Variants in MAGI3 observed in about 807,000 individuals in gnomAD.
The protein encoded by MAGI3 is membrane associated guanylate kinase, WW and PDZ domain containing 3.
MAGI3 carries 43 observed loss-of-function variants against 121.8 expected under a neutral mutation model. The observed-to-expected ratio is 0.35, with a 90% CI of 0.28 to 0.46. The LOEUF (loss-of-function observed/expected upper bound fraction) is 0.46. Among genes scored for constraint, MAGI3 ranks in the 20% least tolerant of loss-of-function variants. The probability of loss-of-function intolerance (pLI) is 1.00; values close to 1 mark genes in which losing one functional copy is unlikely to be tolerated. For missense variants in MAGI3, 1,547 were observed against 1,797.3 expected, an observed-to-expected ratio of 0.86 and a Z score of 2.52; for synonymous variants, 553 against 639.3, an observed-to-expected ratio of 0.86 and a Z score of 2.04.
chr1:113,470,037 A>G (rs1396255468), intron 1 of MAGI3, among the ~76,000 whole-genome samples: 1 of 152,172 alleles, frequency 6.6e-6, no homozygotes, highest in Non-Finnish European at 1.5e-5. Flanking sequence ...ACCTTTTGCT[A>G]ATTCACACAC....
rs565872326 is a variant in MAGI3 at position 113,590,636 on chromosome 1, A to G, written c.916A>G (p.Thr306Ala). Reference sequence around the variant, plus strand: ...AAACTGGGAAATGGCCTACACTGACACAGGGATGATCTACTTCATTGAGTA... The same window carrying G: ...AAACTGGGAAATGGCCTACACTGACGCAGGGATGATCTACTTCATTGAGTA... ...PKNWEMAYTD[T>A]GMIYFIDHNT... Residue 306 changes from threonine to alanine, a missense_variant, in exon 5 of 21, where the codon ACA (threonine) becomes GCA (alanine). By Grantham distance (58) the Thr-to-Ala change is moderately conservative. Coordinates refer to ENST00000307546, the MANE Select transcript of MAGI3 (RefSeq NM_001142782.2). 1 of 1,613,664 alleles carries G rather than the reference A, an allele frequency of 6.2e-7. No individual in the cohort carries two copies. The highest frequency in any genetic ancestry group is 2.2e-5 in the East Asian group (1 of 44,856).
intron 6 of MAGI3, among the ~76,000 whole-genome samples, chr1:113,599,339 G>A (rs1183215166): frequency 1.3e-5 from 2 of 151,702 alleles, no homozygotes; most frequent in African/African-American, 4.8e-5. Flanking sequence ...TAATAAAGAA[G>A]AAAAGAGAGA....
chr1:113,539,790 CTT>C (rs1164684531), intron 1 of MAGI3, among the ~76,000 whole-genome samples: 48 of 137,292 alleles, frequency 3.5e-4, no homozygotes, highest in Middle Eastern at 3.4e-3. Flanking sequence ...TGAAGCATTA[CTT>C]TTTTTTTTTT....
intron 1 of MAGI3, among the ~76,000 whole-genome samples, chr1:113,435,985 TTG>T (rs1653546019): frequency 6.6e-6 from 1 of 152,140 alleles, no homozygotes; most frequent in East Asian, 1.9e-4. Flanking sequence ...TGCAGTGAGT[TTG>T]TGAGGATTGA....
At chr1:113,520,821 C>G (rs1385939900) in intron 1 of MAGI3, among the ~76,000 whole-genome samples, 1 of 151,710 alleles carries the variant, frequency 6.6e-6, no homozygotes, top group Admixed American at 6.6e-5. Flanking sequence ...CAGCTGGTCT[C>G]GAACTCCTGA....
chr1:113,462,940 T>C (rs1330411318), intron 1 of MAGI3, among the ~76,000 whole-genome samples: 1 of 152,122 alleles, frequency 6.6e-6, no homozygotes, highest in African/African-American at 2.4e-5. Context: ...CTGTAATATA[T>C]CTTAGATTTA....
Position 113,684,096 on chromosome 1 carries a change from TCAG to T in MAGI3, c.*83_*85del. ...TCCAGAAAAAGCCTTTTTTTTTTTT[TCAG>T]ATATTCTGAAACAGATAAGTACATG... On this transcript the variant is annotated 3_prime_UTR_variant, in exon 21 of 21. Transcript: ENST00000307546. The T allele has an allele frequency of 7.7e-7, 1 of 1,302,600 alleles. No homozygotes were observed. The highest frequency in any genetic ancestry group is 1.0e-6 in the Non-Finnish European group (1 of 972,414). The allele number at this position is 1,302,600 out of a possible 1,614,324, so 80.7% of individuals were successfully genotyped here.
intron 1 of MAGI3, among the ~76,000 whole-genome samples, chr1:113,511,740 G>C (rs1175069984): frequency 2.0e-5 from 3 of 152,132 alleles, no homozygotes; most frequent in African/African-American, 4.8e-5. Context: ...ATTTCTTATT[G>C]GGTAGTTACA....
intron 13 of MAGI3, among the ~76,000 whole-genome samples, chr1:113,649,891 G>A (rs1653062357): frequency 6.6e-6 from 1 of 152,202 alleles, no homozygotes; most frequent in Non-Finnish European, 1.5e-5. Context: ...AGCATTTGAA[G>A]TCTAGGATTT....
chr1:113,538,403 T>C (rs920820938), intron 1 of MAGI3, among the ~76,000 whole-genome samples: 1 of 152,222 alleles, frequency 6.6e-6, no homozygotes, highest in Non-Finnish European at 1.5e-5. Flanking sequence ...GGATGAAGCA[T>C]ATAATATGAC....
rs755464548 is a variant in MAGI3 at position 113,495,023 on chromosome 1, A to T, written c.317-54492A>T. ...TATGTTGGAAAAATCTTCTTAGTTC[A>T]TTGTTAGTACCCTAATTTTTGTAGG... On this transcript the variant is annotated intron_variant, in intron 1 of 20. Coordinates refer to ENST00000307546, the MANE Select transcript of MAGI3 (RefSeq NM_001142782.2). Among the ~76,000 whole-genome samples, 208 of 152,312 alleles carry T rather than the reference A, an allele frequency of 1.4e-3. 7 individuals carry two copies. Among genetic ancestry groups the T allele is most frequent in the Middle Eastern group, 6.8e-3 (2 of 294 alleles).
At chr1:113,430,306 A>G (rs1243356060) in intron 1 of MAGI3, among the ~76,000 whole-genome samples, 1 of 152,170 alleles carries the variant, frequency 6.6e-6, no homozygotes, top group African/African-American at 2.4e-5. Flanking sequence ...TAGGTATTCA[A>G]ATTTTTGGCA....
intron 1 of MAGI3, among the ~76,000 whole-genome samples, chr1:113,401,317 G>C (rs1416595634): frequency 6.6e-6 from 1 of 152,106 alleles, no homozygotes; most frequent in Non-Finnish European, 1.5e-5. Context: ...GTTAAATGCA[G>C]TAAAACACTG....
intron 2 of MAGI3, among the ~76,000 whole-genome samples, chr1:113,559,990 A>G (rs1660156149): frequency 6.6e-6 from 1 of 152,218 alleles, no homozygotes; most frequent in African/African-American, 2.4e-5. Context: ...TAACAAAGAT[A>G]TTCAGGACCT....
intron 9 of MAGI3, among the ~76,000 whole-genome samples, chr1:113,629,752 CT>C (rs1358801491): frequency 2.2e-4 from 26 of 116,130 alleles, no homozygotes; most frequent in East Asian, 2.1e-3. Flanking sequence ...CTCTCTCTCT[CT>C]CTCTCTCTCC....
intron 1 of MAGI3, chr1:113,450,156 T>G (rs888395083): frequency 8.0e-6 from 12 of 1,492,920 alleles, no homozygotes; most frequent in Non-Finnish European, 1.1e-5. Context: ...TAACTTTTGA[T>G]GAGCATGATA....
chr1:113,624,073 T>C (rs1364908927), intron 9 of MAGI3, among the ~76,000 whole-genome samples: 6 of 152,220 alleles, frequency 3.9e-5, no homozygotes, highest in Admixed American at 3.9e-4. Flanking sequence ...CTCCATTGTG[T>C]ATATGTACCA....
At chr1:113,547,464 A>G (rs923678785) in intron 1 of MAGI3, among the ~76,000 whole-genome samples, 1 of 152,188 alleles carries the variant, frequency 6.6e-6, no homozygotes, top group Non-Finnish European at 1.5e-5. Context: ...AAGTGGGGGA[A>G]AAAACAATGA....
At chr1:113,487,929 A>G (rs1029949610) in intron 1 of MAGI3, among the ~76,000 whole-genome samples, 6 of 152,116 alleles carry the variant, frequency 3.9e-5, no homozygotes, top group African/African-American at 9.7e-5. Context: ...ACATTTTTCT[A>G]TTGTTTAACA....
Sources: gnomAD v4.1 joint callset for allele counts (sites outside exome capture counted in the v4.1 genomes callset) on GRCh38, gnomAD v4.1.1 for gene constraint, MANE v1.5 for transcripts, NCBI Gene and HGNC (gene_info 2026-07-23, HGNC 2026-07-21) for gene names.